CHD1L: variants seen among roughly 807,000 people sequenced by gnomAD.
CHD1L encodes chromodomain helicase DNA binding protein 1 like, also known as ATP-dependent chromatin remodeler CHD1L.
CHD1L carries 118 observed loss-of-function variants against 115.9 expected under a neutral mutation model. That is an observed-to-expected ratio of 1.02 (90% CI 0.88 to 1.19). The LOEUF (loss-of-function observed/expected upper bound fraction) is 1.19, where lower values mean the gene tolerates loss of function less well. Ranked by LOEUF, CHD1L falls within the 50% of genes most tolerant of loss-of-function variation. The pLI is 0.00. For synonymous variants in CHD1L, 411 were observed against 387.1 expected (o/e 1.06, Z -0.72); for missense variants, 1,179 against 1,065.3 (o/e 1.11, Z -1.49).
At chr1:147,294,130 T>C (rs782047951) in intron 21 of CHD1L, among the ~76,000 whole-genome samples, 49 of 152,352 alleles carry the variant, frequency 3.2e-4, no homozygotes, top group African/African-American at 1.1e-3. Context: ...TCAGAGCTTA[T>C]TGAATTGATT....
chr1:147,186,694 G>A, the CHD1L span: 1 of 1,394,240 alleles, frequency 7.2e-7, no homozygotes, highest in South Asian at 1.6e-5. Context: ...AAGGAAGAGT[G>A]ACGGATCATG....
the CHD1L span, chr1:147,178,066 C>T: frequency 9.3e-3 from 10,257 of 1,102,654 alleles, 55 homozygotes; most frequent in African/African-American, 0.021. Context: ...CGCCGCAGTC[C>T]CAGTCGAGCC....
At chr1:147,204,459 A>G in the CHD1L span, 1 of 1,388,614 alleles carries the variant, frequency 7.2e-7, no homozygotes, top group Non-Finnish European at 1.0e-6. Flanking sequence ...ATGAGACTTC[A>G]TCAACATCTC....
At chr1:147,255,392 T>C (rs1669754718) in intron 3 of CHD1L, among the ~76,000 whole-genome samples, 1 of 152,108 alleles carries the variant, frequency 6.6e-6, no homozygotes, top group Non-Finnish European at 1.5e-5. Context: ...CACACCTGGC[T>C]AATTTTGTAT....
chr1:147,221,961 C>T, the CHD1L span, among the ~76,000 whole-genome samples: 1 of 152,212 alleles, frequency 6.6e-6, no homozygotes, highest in Non-Finnish European at 1.5e-5. Context: ...GCTTCTGCTC[C>T]TGCATTTTAC....
At chr1:147,244,162 G>T (rs1665844593) in intron 1 of CHD1L, among the ~76,000 whole-genome samples, 1 of 152,218 alleles carries the variant, frequency 6.6e-6, no homozygotes, top group African/African-American at 2.4e-5. Context: ...ACTTGTGTGA[G>T]AGAGGGCTCA....
At chr1:147,286,594 C>T in intron 18 of CHD1L, 94 bp downstream of exon 18, 1 of 1,115,814 alleles carries the variant, frequency 9.0e-7, no homozygotes, top group Non-Finnish European at 1.3e-6. Flanking sequence ...GGTGGTGGTC[C>T]CAGTGTAGTA....
At chr1:147,292,694 G>T (rs7526996) in intron 20 of CHD1L, among the ~76,000 whole-genome samples, 33,177 of 152,170 alleles carry the variant, frequency 0.22, 4,189 homozygotes, top group South Asian at 0.28. Context: ...GGAAGCTAGT[G>T]TATCACACAT....
intron 15 of CHD1L, among the ~76,000 whole-genome samples, chr1:147,283,670 T>C (rs1553963373): frequency 1.3e-5 from 2 of 152,232 alleles, no homozygotes; most frequent in Non-Finnish European, 2.9e-5. Flanking sequence ...TTGTTATTAT[T>C]ACCACAGTTA....
intron 14 of CHD1L, among the ~76,000 whole-genome samples, chr1:147,278,882 C>A (rs1277628199): frequency 6.6e-6 from 1 of 152,154 alleles, no homozygotes; most frequent in African/African-American, 2.4e-5. Context: ...CCCTTAATTA[C>A]TGTAATATAC....
chr1:147,242,651 G>A (rs782134362), upstream of CHD1L: 42 of 1,257,954 alleles, frequency 3.3e-5, 2 homozygotes, highest in Admixed American at 7.5e-5. Context: ...GCGTTGGGAA[G>A]TTGGGAGGGA....
rs2102734378 is a variant in CHD1L, at chr1:147,275,403, C to T, written c.1320C>T (p.Asp440=). The T allele has an allele frequency of 6.2e-7, 1 of 1,614,096 alleles. No individual in the cohort carries two copies. The highest frequency in any genetic ancestry group is 8.5e-7 in the Non-Finnish European group (1 of 1,179,988). The change falls in exon 13 of 23, where the codon GAC becomes GAT. Residue 440 remains aspartate (D), a synonymous_variant. Coordinates refer to ENST00000369258, the MANE Select transcript of CHD1L (RefSeq NM_004284.6). ...CAGCAGATACTGTGATTTTTGTTGA[C>T]AGTGACTTTAATCCTCAGAATGACT... ...LTAADTVIFV[D]SDFNPQNDLQ... is the part of the protein sequence containing the mutation.
At chr1:147,232,891 C>A in the CHD1L span, among the ~76,000 whole-genome samples, 1 of 152,340 alleles carries the variant, frequency 6.6e-6, no homozygotes, top group African/African-American at 2.4e-5. Context: ...TCCCAAAGTG[C>A]CGAAAGTGCA....
the CHD1L span, among the ~76,000 whole-genome samples, chr1:147,231,027 G>C: frequency 6.6e-6 from 1 of 151,904 alleles, no homozygotes; most frequent in African/African-American, 2.4e-5. Context: ...TCTGATTTTG[G>C]TTATTTCTTG....
At chr1:147,214,972 G>A in the CHD1L span, 4 of 152,026 alleles carry the variant, frequency 2.6e-5, no homozygotes, top group African/African-American at 9.7e-5. Context: ...TTTTCTTATT[G>A]TCATTAAGCA....
the CHD1L span, among the ~76,000 whole-genome samples, chr1:147,185,846 A>C: frequency 5.3e-5 from 8 of 152,222 alleles, no homozygotes; most frequent in African/African-American, 1.9e-4. Context: ...TGGCACTGGG[A>C]TGTAAACCCA....
At chr1:147,182,291 T>C in the CHD1L span, among the ~76,000 whole-genome samples, 8 of 152,222 alleles carry the variant, frequency 5.3e-5, no homozygotes, top group Non-Finnish European at 1.0e-4. Context: ...AAAAGGGGTG[T>C]GCCATTGTTA....
the CHD1L span, among the ~76,000 whole-genome samples, chr1:147,235,767 G>A: frequency 3.5e-4 from 54 of 152,312 alleles, 1 homozygote; most frequent in South Asian, 0.011. Context: ...TTAGAGTAGG[G>A]TGAATCATGA....
In CHD1L at chr1:147,284,465, G is replaced by A; in HGVS notation, c.1820G>A (p.Ser607Asn). ...NLQKTLLEKA[S>N]QEGRSLRNKG... ...CAGAAAACCCTTTTGGAGAAAGCTA[G>A]TCAAGAGGGCCGATCACTCCGAAAT... is the stretch of plus-strand genomic sequence containing the variant. Residue 607 changes from serine to asparagine, a missense_variant, in exon 16 of 23, where the codon AGT becomes AAT. Coordinates refer to ENST00000369258, the MANE Select transcript of CHD1L (RefSeq NM_004284.6). 6.2e-7 allele frequency: 1 copy of A among 1,610,766 alleles called. No homozygotes were observed. Among genetic ancestry groups the A allele is most frequent in the Non-Finnish European group, 8.5e-7 (1 of 1,178,952 alleles).
Sources: allele counts gnomAD v4.1 joint callset (sites outside exome capture counted in the v4.1 genomes callset), GRCh38; gene constraint gnomAD v4.1.1; transcripts MANE v1.5; gene names NCBI Gene and HGNC (gene_info 2026-07-23, HGNC 2026-07-21).